Variants in SEC14L1 observed in about 807,000 individuals in gnomAD.
The protein encoded by SEC14L1 is SEC14-like protein 1.
SEC14L1 carries 48 observed loss-of-function variants against 85.3 expected under a neutral mutation model. The observed-to-expected ratio is 0.56, with a 90% confidence interval of 0.45 to 0.72. The LOEUF (loss-of-function observed/expected upper bound fraction) is 0.72, where lower values mean the gene tolerates loss of function less well. SEC14L1 is among the 30% of genes least tolerant of loss of function. The probability of loss-of-function intolerance (pLI) is 0.00; values close to 1 mark genes in which losing one functional copy is unlikely to be tolerated. For synonymous variants in SEC14L1, 391 were observed against 355.5 expected (o/e 1.10, Z -1.12); for missense variants, 682 against 921.4 (o/e 0.74, Z 3.36).
chr17:77,145,720 T>C (rs879300515), intron 3 of SEC14L1, among the ~76,000 whole-genome samples: 3 of 152,168 alleles, frequency 2.0e-5, no homozygotes, highest in Non-Finnish European at 4.4e-5. Context: ...CACACAGGAA[T>C]CCGGGAATTC....
At chr17:77,158,798 CTTTTTTTTTTTTTTTTTTT>C (rs34186028) in intron 3 of SEC14L1, among the ~76,000 whole-genome samples, 445 of 39,300 alleles carry the variant, frequency 0.011, 15 homozygotes, top group African/African-American at 0.045. Flanking sequence ...GCTTTCTTTC[CTTTTTTTTTTTTTTTTTTT>C]TTTTTTTTTT....
At chr17:77,148,867 G>C (rs2143554474) in intron 3 of SEC14L1, among the ~76,000 whole-genome samples, 1 of 152,322 alleles carries the variant, frequency 6.6e-6, no homozygotes, top group African/African-American at 2.4e-5. Flanking sequence ...TTTCGGCAAG[G>C]CCATTTGTGG....
intron 3 of SEC14L1, among the ~76,000 whole-genome samples, chr17:77,099,985 A>T (rs1026404908): frequency 6.6e-6 from 1 of 152,224 alleles, no homozygotes. Flanking sequence ...TCCCAAAGTA[A>T]TACATGCATT....
At chr17:77,140,221 T>C (rs748705733), upstream of SEC14L1, among the ~76,000 whole-genome samples, 7 of 152,212 alleles carry the variant, frequency 4.6e-5, no homozygotes, top group Non-Finnish European at 1.0e-4. Flanking sequence ...GGGAGCTACT[T>C]AGCAGCCCCA....
intron 3 of SEC14L1, among the ~76,000 whole-genome samples, chr17:77,097,880 A>C (rs978531963): frequency 2.0e-5 from 3 of 152,328 alleles, no homozygotes; most frequent in Non-Finnish European, 2.9e-5. Flanking sequence ...ATGGAGAGAA[A>C]GACAGCAGCC....
chr17:77,089,110 CTT>C (rs1971442167), intron 1 of SEC14L1: 2 of 279,954 alleles, frequency 7.1e-6, no homozygotes, highest in African/African-American at 4.7e-5. Context: ...CGTCGAATGA[CTT>C]TTGTCCTTTT....
intron 3 of SEC14L1, among the ~76,000 whole-genome samples, chr17:77,102,883 C>G (rs1447357488): frequency 6.6e-6 from 1 of 152,096 alleles, no homozygotes; most frequent in Admixed American, 6.6e-5. Flanking sequence ...CTTGCTGTGA[C>G]CTCGAACTCC....
intron 3 of SEC14L1, among the ~76,000 whole-genome samples, chr17:77,174,493 T>C (rs1310839429): frequency 6.6e-6 from 1 of 152,206 alleles, no homozygotes; most frequent in Non-Finnish European, 1.5e-5. Context: ...ACCAAGGAAA[T>C]ACTGCACTGC....
intron 3 of SEC14L1, among the ~76,000 whole-genome samples, chr17:77,144,034 G>T (rs1326998699): frequency 6.6e-6 from 1 of 152,088 alleles, no homozygotes; most frequent in Non-Finnish European, 1.5e-5. Context: ...CTCTGCCTAT[G>T]GGTGAATTCA....
chr17:77,165,465 G>A (rs774132560), intron 3 of SEC14L1, among the ~76,000 whole-genome samples: 1 of 152,158 alleles, frequency 6.6e-6, no homozygotes, highest in Non-Finnish European at 1.5e-5. Flanking sequence ...TCTCCAGGTC[G>A]CAGGTGGGTG....
rs916119510 is a variant in SEC14L1 at position 77,214,470 on chromosome 17, C to T, written c.*447C>T. 8.7e-5 allele frequency: 87 copies of T among 999,220 alleles called. No homozygotes were observed. Among genetic ancestry groups the T allele is most frequent in the East Asian group, 3.2e-4 (3 of 9,286 alleles). 61.9% of individuals were successfully genotyped at this position (999,220 alleles called of 1,614,324 possible). A position where few individuals can be genotyped will look rare whatever the true frequency, so the allele number is the denominator to read the frequency against. On this transcript the variant is annotated 3_prime_UTR_variant, in exon 17 of 17. Transcript: ENST00000436233. ...GCTTCCCCCAAGCTGCCTCATGGCCCGCACGCCGCCTCACGGCCCCCATGC... is the reference window on the plus strand; with the variant it reads ...GCTTCCCCCAAGCTGCCTCATGGCCTGCACGCCGCCTCACGGCCCCCATGC...
Position 77,214,293 on chromosome 17 carries a change from G to A in SEC14L1, c.*270G>A. 1 of 1,235,594 alleles carries A rather than the reference G, an allele frequency of 8.1e-7. No individual in the cohort carries two copies. Among genetic ancestry groups the A allele is most frequent in the Non-Finnish European group, 1.0e-6 (1 of 984,342 alleles). The allele number at this position is 1,235,594 out of a possible 1,614,324, so 76.5% of individuals were successfully genotyped here. ...GCGCAAGGGCTCTCTTGAAAGAAAA[G>A]TAGTTTCTGTACCAATTAAAGGATT... On this transcript the variant is annotated 3_prime_UTR_variant, in exon 17 of 17. Coordinates refer to ENST00000436233, the MANE Select transcript of SEC14L1 (RefSeq NM_001143998.2).
Position 77,216,117 on chromosome 17 carries a change from A to G in SEC14L1, c.*2094A>G, listed in dbSNP as rs1977052683. ...GGGCTAGTAGGTAGGGTTCGTAGGTAGGGTTAGTAGGTAGGGCTAGTAGGT... is the reference window on the plus strand; with the variant it reads ...GGGCTAGTAGGTAGGGTTCGTAGGTGGGGTTAGTAGGTAGGGCTAGTAGGT... On this transcript the variant is annotated 3_prime_UTR_variant, in exon 17 of 17. Transcript: ENST00000436233. 9.9e-7 allele frequency: 1 copy of G among 1,008,290 alleles called. No homozygotes were observed. The highest frequency in any genetic ancestry group is 1.2e-6 in the Non-Finnish European group (1 of 849,680). The allele number at this position is 1,008,290 out of a possible 1,614,324, so 62.5% of individuals were successfully genotyped here.
At chr17:77,182,810 T>C (rs988208473) in intron 3 of SEC14L1, among the ~76,000 whole-genome samples, 2 of 152,242 alleles carry the variant, frequency 1.3e-5, no homozygotes, top group Non-Finnish European at 2.9e-5. Flanking sequence ...CGTGAAGGCC[T>C]GCTGATGTGG....
chr17:77,159,956 T>C (rs869692), intron 3 of SEC14L1, among the ~76,000 whole-genome samples: 150,716 of 152,304 alleles, frequency 0.99, 74,596 homozygotes, highest in East Asian at 1. Flanking sequence ...CCCTACCCCC[T>C]GTTAAGTGTT....
intron 11 of SEC14L1, among the ~76,000 whole-genome samples, 154 bp downstream of exon 11, chr17:77,205,500 C>T (rs1976419448): frequency 6.6e-6 from 1 of 152,160 alleles, no homozygotes; most frequent in South Asian, 2.1e-4. Context: ...TGACGAGGGA[C>T]AGACAGTTAG....
intron 3 of SEC14L1, among the ~76,000 whole-genome samples, chr17:77,153,847 T>C (rs920466487): frequency 1.3e-5 from 2 of 152,226 alleles, no homozygotes; most frequent in Admixed American, 6.5e-5. Flanking sequence ...GATGTTATAA[T>C]TGATCCATCT....
At chr17:77,133,305 C>T (rs1175230562) in intron 3 of SEC14L1, among the ~76,000 whole-genome samples, 1 of 152,214 alleles carries the variant, frequency 6.6e-6, no homozygotes, top group African/African-American at 2.4e-5. Context: ...CCTGAGGACC[C>T]AGCAACGGCC....
chr17:77,214,822 A>T lies in SEC14L1; in HGVS notation c.*799A>T. 1.0e-6 allele frequency: 1 copy of T among 985,500 alleles called. No homozygotes were observed. The highest frequency in any genetic ancestry group is 1.2e-6 in the Non-Finnish European group (1 of 830,032). The allele number at this position is 985,500 out of a possible 1,614,324, so 61.0% of individuals were successfully genotyped here. A position where few individuals can be genotyped will look rare whatever the true frequency, so the allele number is the denominator to read the frequency against. ...TCCGTGCGTCGCCCCTCTCACCTGC[A>T]GTCAGCTCCCAGCCCAGTGTAGGCC... On this transcript the variant is annotated 3_prime_UTR_variant, in exon 17 of 17. Transcript: ENST00000436233.
Sources: allele counts gnomAD v4.1 joint callset (sites outside exome capture counted in the v4.1 genomes callset), GRCh38; gene constraint gnomAD v4.1.1; transcripts MANE v1.5; gene names NCBI Gene and HGNC (gene_info 2026-07-23, HGNC 2026-07-21).